Variants in PAK1IP1 observed in about 807,000 individuals in gnomAD.
PAK1IP1 encodes PAK1 interacting protein 1, also known as p21-activated protein kinase-interacting protein 1.
Under a neutral mutation model 42.0 loss-of-function variants are expected in PAK1IP1, and 24 were observed. The observed-to-expected ratio is 0.57, with a 90% CI of 0.41 to 0.80. The LOEUF (loss-of-function observed/expected upper bound fraction) is 0.80. PAK1IP1 is among the 30% of genes least tolerant of loss of function. PAK1IP1 has a pLI of 0.00. For missense variants in PAK1IP1, 411 were observed against 467.9 expected, an observed-to-expected ratio of 0.88 and a Z score of 1.12; for synonymous variants, 154 against 156.7, an observed-to-expected ratio of 0.98 and a Z score of 0.13.
chr6:10,694,296 C>T (rs142979840), upstream of PAK1IP1, among the ~76,000 whole-genome samples: 220 of 151,844 alleles, frequency 1.4e-3, 1 homozygote, highest in Non-Finnish European at 2.3e-3. Flanking sequence ...CTCACTGCTC[C>T]CTCCCCAGGA....
chr6:10,694,260 CAA>C (rs57435593), upstream of PAK1IP1, among the ~76,000 whole-genome samples: 35 of 62,458 alleles, frequency 5.6e-4, no homozygotes, highest in African/African-American at 1.4e-3. Context: ...AACTCCGTCT[CAA>C]AAAAAAAAAA....
Position 10,702,479 on chromosome 6 carries a change from A to G in PAK1IP1, c.358A>G (p.Lys120Glu). The G allele has an allele frequency of 6.2e-7, 1 of 1,614,184 alleles. No homozygotes were observed. Among genetic ancestry groups the G allele is most frequent in the East Asian group, 2.2e-5 (1 of 44,868 alleles). The change falls in exon 3 of 10, where the codon AAA (lysine) becomes GAA (glutamate). Residue 120 changes from lysine (K) to glutamate (E), a missense_variant. Lys to Glu is a moderately conservative substitution (Grantham distance 56). Coordinates refer to ENST00000379568, the MANE Select transcript of PAK1IP1 (RefSeq NM_017906.3). ...AKKWECLKSIKAHKGQVTFLS... is the reference protein window; with the variant it reads ...AKKWECLKSIEAHKGQVTFLS... ...GAAATGGGAATGCCTGAAGTCAATTAAAGCTCACAAGTGAGTCGGGCTCTT... is the reference window on the plus strand; with the variant it reads ...GAAATGGGAATGCCTGAAGTCAATTGAAGCTCACAAGTGAGTCGGGCTCTT...
upstream of PAK1IP1, among the ~76,000 whole-genome samples, chr6:10,693,751 AG>A (rs1769569585): frequency 6.6e-6 from 1 of 152,090 alleles, no homozygotes; most frequent in Non-Finnish European, 1.5e-5. Flanking sequence ...TTTCTTTGAA[AG>A]GGGGCCTGGC....
chr6:10,697,250 G>C, intron 1 of PAK1IP1, 74 bp from the exon 2 acceptor site: 2 of 1,246,428 alleles, frequency 1.6e-6, no homozygotes, highest in East Asian at 4.9e-5. Flanking sequence ...CGTGATTCAT[G>C]AAAACTACCA....
chr6:10,703,906 C>T (rs1439405197), intron 5 of PAK1IP1, among the ~76,000 whole-genome samples: 2 of 152,200 alleles, frequency 1.3e-5, no homozygotes, highest in African/African-American at 4.8e-5. Flanking sequence ...TGGTGGTTAC[C>T]TCTGAGCAAA....
Position 10,707,571 on chromosome 6 carries a change from G to A in PAK1IP1, c.840+57G>A, listed in dbSNP as rs1477191879. The A allele has an allele frequency of 2.8e-6, 3 of 1,078,788 alleles. No homozygotes were observed. In the East Asian group the frequency reaches 7.1e-5, roughly 26 times the overall value. 66.8% of individuals were successfully genotyped at this position (1,078,788 alleles called of 1,614,324 possible). A position where few individuals can be genotyped will look rare whatever the true frequency, so the allele number is the denominator to read the frequency against. On this transcript the variant is annotated intron_variant, in intron 8 of 9. Coordinates refer to ENST00000379568, the MANE Select transcript of PAK1IP1 (RefSeq NM_017906.3). The stretch of plus-strand genomic sequence containing the variant: ...TAATACAAGTCTTGCTCATAAGTGA[G>A]GTGGAATTTTTTTAAGGGTCATAAG...
intron 8 of PAK1IP1, among the ~76,000 whole-genome samples, chr6:10,708,203 A>C (rs1581587486): frequency 8.1e-6 from 1 of 123,136 alleles, no homozygotes. Context: ...CTTTCCCCCC[A>C]CTGCCAGTCC....
chr6:10,693,678 T>C (rs555202313), upstream of PAK1IP1, among the ~76,000 whole-genome samples: 40 of 152,334 alleles, frequency 2.6e-4, no homozygotes, highest in South Asian at 6.2e-4. Context: ...TGGGAGCTTG[T>C]AGGAAAGCTG....
chr6:10,709,150 G>C, intron 9 of PAK1IP1, 74 bp downstream of exon 9: 1 of 1,517,722 alleles, frequency 6.6e-7, no homozygotes, highest in Non-Finnish European at 9.0e-7. Context: ...AGGAGATCCA[G>C]ATAATTTCAC....
At chr6:10,706,891 C>CA (rs1004022892) in intron 7 of PAK1IP1, among the ~76,000 whole-genome samples, 971 of 89,140 alleles carry the variant, frequency 0.011, 10 homozygotes, top group African/African-American at 0.033. Flanking sequence ...GGCTCCATCT[C>CA]AAAAAAAAAA....
At chr6:10,694,623 A>G (rs2127477022), upstream of PAK1IP1, 4 of 189,600 alleles carry the variant, frequency 2.1e-5, no homozygotes, top group South Asian at 9.2e-5. Context: ...AGTCGGCCCC[A>G]CCTCCTCCTG....
chr6:10,698,061 C>G (rs1245872660), intron 2 of PAK1IP1, among the ~76,000 whole-genome samples: 1 of 152,074 alleles, frequency 6.6e-6, no homozygotes, highest in African/African-American at 2.4e-5. Flanking sequence ...GTAAAGTTTG[C>G]AAGGAGGGAG....
At chr6:10,702,104 T>C (rs1443662879) in intron 2 of PAK1IP1, among the ~76,000 whole-genome samples, 3 of 151,718 alleles carry the variant, frequency 2.0e-5, no homozygotes, top group Non-Finnish European at 2.9e-5. Flanking sequence ...GCTAGGTATA[T>C]TGATGTGCAC....
upstream of PAK1IP1, chr6:10,694,807 TC>T: frequency 1.8e-6 from 1 of 555,494 alleles, no homozygotes; most frequent in East Asian, 3.0e-5. Flanking sequence ...CCATGTGACC[TC>T]CCCGCGCTTA....
chr6:10,696,671 G>A (rs1333416164), intron 1 of PAK1IP1, among the ~76,000 whole-genome samples: 4 of 152,168 alleles, frequency 2.6e-5, no homozygotes, highest in East Asian at 3.9e-4. Context: ...CACTGGGCGC[G>A]GTGGCTCATG....
chr6:10,691,442 G>A (rs567819476), upstream of PAK1IP1, among the ~76,000 whole-genome samples: 2 of 152,014 alleles, frequency 1.3e-5, no homozygotes, highest in Admixed American at 6.6e-5. Context: ...TAATTAGAAC[G>A]GAACAGAACA....
chr6:10,706,044 G>C (rs1224371997), intron 7 of PAK1IP1, among the ~76,000 whole-genome samples: 1 of 152,156 alleles, frequency 6.6e-6, no homozygotes, highest in Non-Finnish European at 1.5e-5. Flanking sequence ...ATGATGAACA[G>C]AAAAGACAGG....
At chr6:10,702,901 G>A (rs541705180) in intron 4 of PAK1IP1, among the ~76,000 whole-genome samples, 1 of 152,042 alleles carries the variant, frequency 6.6e-6, no homozygotes, top group Non-Finnish European at 1.5e-5. Context: ...CCGCCTCCCA[G>A]GTTCATGCCA....
chr6:10,702,142 A>G (rs1282917937), intron 2 of PAK1IP1, among the ~76,000 whole-genome samples: 1 of 151,782 alleles, frequency 6.6e-6, no homozygotes, highest in East Asian at 1.9e-4. Context: ...CAGGAGGCTG[A>G]GGTGGGAAGA....
Sources: allele counts gnomAD v4.1 joint callset (sites outside exome capture counted in the v4.1 genomes callset), GRCh38; gene constraint gnomAD v4.1.1; transcripts MANE v1.5; gene names NCBI Gene and HGNC (gene_info 2026-07-23, HGNC 2026-07-21).